Variants in P3H2 observed in about 807,000 individuals in gnomAD.
P3H2 encodes prolyl 3-hydroxylase 2, also known as leprecan-like 1.
In P3H2, 80 loss-of-function variants were observed where a neutral mutation model predicts 87.0. The ratio of observed to expected loss-of-function variants is 0.92; its 90% CI spans 0.77 to 1.11. P3H2 has a LOEUF of 1.11. P3H2 is among the 50% of genes least tolerant of loss of function. The pLI is 0.00. For missense variants in P3H2, 1,001 were observed against 923.9 expected, an observed-to-expected ratio of 1.08 and a Z score of -1.08; for synonymous variants, 367 against 359.3, an observed-to-expected ratio of 1.02 and a Z score of -0.24.
chr3:189,979,004 TTGTACTCAC>T (rs897718056), intron 8 of P3H2, among the ~76,000 whole-genome samples: 1 of 152,150 alleles, frequency 6.6e-6, no homozygotes, highest in Admixed American at 6.5e-5. Context: ...AAGTACTCCC[TTGTACTCAC>T]TGTCTGGCTC....
chr3:190,110,661 T>G (rs148177094), intron 1 of P3H2, among the ~76,000 whole-genome samples: 1 of 152,190 alleles, frequency 6.6e-6, no homozygotes, highest in East Asian at 1.9e-4. Context: ...TTTGAGCTCA[T>G]TTTTAAAAAA....
chr3:189,988,655 A>G (rs1274627141), intron 4 of P3H2, among the ~76,000 whole-genome samples: 1 of 152,204 alleles, frequency 6.6e-6, no homozygotes, highest in Non-Finnish European at 1.5e-5. Context: ...AATTAAGTCT[A>G]AAAAACCATG....
intron 1 of P3H2, among the ~76,000 whole-genome samples, chr3:190,057,734 T>A (rs1476267031): frequency 6.6e-6 from 1 of 152,180 alleles, no homozygotes; most frequent in African/African-American, 2.4e-5. Flanking sequence ...CATCTATATT[T>A]CAATAAAAAC....
At chr3:190,027,746 T>C (rs1241154148) in intron 1 of P3H2, among the ~76,000 whole-genome samples, 1 of 152,028 alleles carries the variant, frequency 6.6e-6, no homozygotes, top group African/African-American at 2.4e-5. Context: ...AATATTATTT[T>C]CTATCACTCA....
At chr3:190,019,558 C>CAGA (rs1176211727) in intron 1 of P3H2, among the ~76,000 whole-genome samples, 23 of 135,970 alleles carry the variant, frequency 1.7e-4, no homozygotes, top group South Asian at 5.1e-4. Context: ...TCTGGATGCT[C>CAGA]ATTATCGTTT....
intron 1 of P3H2, among the ~76,000 whole-genome samples, chr3:190,007,888 C>T (rs1007112177): frequency 4.2e-5 from 6 of 143,652 alleles, no homozygotes; most frequent in African/African-American, 1.5e-4. Context: ...CAAACTCTTT[C>T]GGCCAAAAAC....
At chr3:189,966,499 C>T (rs192791941) in intron 13 of P3H2, among the ~76,000 whole-genome samples, 1 of 152,282 alleles carries the variant, frequency 6.6e-6, no homozygotes, top group African/African-American at 2.4e-5. Flanking sequence ...TCTCTAAGAC[C>T]CATCTCATCA....
At chr3:190,055,012 C>A (rs1441173873) in intron 1 of P3H2, among the ~76,000 whole-genome samples, 1 of 152,154 alleles carries the variant, frequency 6.6e-6, no homozygotes, top group African/African-American at 2.4e-5. Flanking sequence ...CTCCCAATTC[C>A]TTTTCCTTCC....
chr3:190,057,733 T>C (rs1369798055), intron 1 of P3H2, among the ~76,000 whole-genome samples: 1 of 152,178 alleles, frequency 6.6e-6, no homozygotes, highest in Non-Finnish European at 1.5e-5. Context: ...TCATCTATAT[T>C]TCAATAAAAA....
At chr3:190,089,578 A>G (rs1184596666) in intron 1 of P3H2, among the ~76,000 whole-genome samples, 2 of 152,154 alleles carry the variant, frequency 1.3e-5, no homozygotes, top group African/African-American at 2.4e-5. Flanking sequence ...TCCTGACTCT[A>G]GAGGGTGGTC....
intron 1 of P3H2, among the ~76,000 whole-genome samples, chr3:190,057,880 C>T (rs754417160): frequency 2.0e-5 from 3 of 152,082 alleles, no homozygotes; most frequent in Non-Finnish European, 4.4e-5. Flanking sequence ...TTGAGTTTCC[C>T]TTCCTTCTTC....
chr3:189,970,149 T>C (rs1243054779), intron 13 of P3H2, among the ~76,000 whole-genome samples: 1 of 135,574 alleles, frequency 7.4e-6, no homozygotes, highest in Non-Finnish European at 1.6e-5. Context: ...GTTTATTACA[T>C]ACAGTCACAA....
intron 1 of P3H2, among the ~76,000 whole-genome samples, chr3:190,067,218 C>T (rs1397900032): frequency 6.6e-6 from 1 of 151,898 alleles, no homozygotes; most frequent in Non-Finnish European, 1.5e-5. Flanking sequence ...CTTTTGCAGA[C>T]ATGATTTGAG....
At chr3:190,056,058 A>T (rs7356124) in intron 1 of P3H2, among the ~76,000 whole-genome samples, 2 of 152,076 alleles carry the variant, frequency 1.3e-5, no homozygotes, top group African/African-American at 4.8e-5. Flanking sequence ...TGACATGATA[A>T]GATTAGTAGT....
chr3:190,014,531 A>C (rs1724692023), intron 1 of P3H2, among the ~76,000 whole-genome samples: 1 of 152,212 alleles, frequency 6.6e-6, no homozygotes, highest in Non-Finnish European at 1.5e-5. Context: ...ACTGGGAAAG[A>C]AGCTCCAATT....
intron 4 of P3H2, 25 bp from the exon 5 acceptor site, chr3:189,987,694 T>C (rs1232595025): frequency 1.2e-6 from 2 of 1,613,856 alleles, no homozygotes; most frequent in Admixed American, 3.3e-5. Context: ...AGTTGCAGCA[T>C]TAGAGTCAGC....
In P3H2 at chr3:190,080,400, C is replaced by A. The variant is rs140644010; in HGVS notation, c.480+39852G>T. Among the ~76,000 whole-genome samples the A allele has an allele frequency of 4.0e-3, 601 of 151,920 alleles. 1 individual carries two copies. Among genetic ancestry groups the A allele is most frequent in the South Asian group, 8.7e-3 (42 of 4,816 alleles). ...TAAATTTGAGTGCTTTTTTCTTTTT[C>A]TTTTCCTTTTTTTTGAGACAGAATT... On this transcript the variant is annotated intron_variant, in intron 1 of 14. Coordinates refer to ENST00000319332, the MANE Select transcript of P3H2 (RefSeq NM_018192.4).
chr3:189,987,794 G>T, intron 4 of P3H2, 125 bp from the exon 5 acceptor site: 2 of 1,081,160 alleles, frequency 1.8e-6, no homozygotes, highest in Non-Finnish European at 1.4e-6. Context: ...GATAAATTGA[G>T]GCTCAGCAGA....
intron 1 of P3H2, among the ~76,000 whole-genome samples, chr3:190,025,665 G>C (rs1337461444): frequency 3.3e-5 from 5 of 151,986 alleles, no homozygotes; most frequent in African/African-American, 1.2e-4. Flanking sequence ...TTATATTGCA[G>C]CCCCAAAATA....
Sources: gnomAD v4.1 joint callset for allele counts (sites outside exome capture counted in the v4.1 genomes callset) on GRCh38, gnomAD v4.1.1 for gene constraint, MANE v1.5 for transcripts, NCBI Gene and HGNC (gene_info 2026-07-23, HGNC 2026-07-21) for gene names.